Variants in TDRD5 observed in about 807,000 individuals in gnomAD.
TDRD5 encodes tudor domain-containing protein 5.
TDRD5 carries 41 observed loss-of-function variants against 120.6 expected under a neutral mutation model. That is an observed-to-expected ratio of 0.34 (90% CI 0.26 to 0.44). The LOEUF (loss-of-function observed/expected upper bound fraction) is 0.44, where lower values mean the gene tolerates loss of function less well. TDRD5 is among the 20% of genes least tolerant of loss of function. TDRD5 has a pLI of 1.00. For synonymous variants in TDRD5, 430 were observed against 433.7 expected (o/e 0.99, Z 0.11); for missense variants, 1,006 against 1,221.2 (o/e 0.82, Z 2.63).
intron 9 of TDRD5, 49 bp downstream of exon 9, chr1:179,635,936 A>G (rs1366672117): frequency 3.9e-6 from 6 of 1,555,990 alleles, no homozygotes; most frequent in South Asian, 2.4e-5. Flanking sequence ...TCTTAAATCA[A>G]CAGTTCTCAA....
chr1:179,635,975 T>C (rs1197407051), intron 9 of TDRD5, 88 bp downstream of exon 9: 6 of 1,230,358 alleles, frequency 4.9e-6, no homozygotes, highest in Non-Finnish European at 5.5e-6. Flanking sequence ...TCTTAAAAAT[T>C]AAAGACCCAA....
At chr1:179,640,097 C>A (rs776351414) in intron 10 of TDRD5, 46 bp downstream of exon 10, 1 of 1,593,366 alleles carries the variant, frequency 6.3e-7, no homozygotes, top group East Asian at 2.2e-5. Context: ...AATTTTGAAT[C>A]ACAGTGTTGA....
chr1:179,619,050 A>G (rs1168231954), intron 5 of TDRD5, among the ~76,000 whole-genome samples: 1 of 152,046 alleles, frequency 6.6e-6, no homozygotes, highest in East Asian at 1.9e-4. Flanking sequence ...TCATGTAGAG[A>G]TCCATGATTG....
intron 6 of TDRD5, among the ~76,000 whole-genome samples, chr1:179,627,910 A>G (rs1458708407): frequency 6.6e-6 from 1 of 152,198 alleles, no homozygotes; most frequent in African/African-American, 2.4e-5. Flanking sequence ...GAGTGTTCCA[A>G]CTAAATAATG....
Position 179,687,615 on chromosome 1 carries a change from A to G in TDRD5, c.2861-3081A>G, listed in dbSNP as rs935786044. ...GATATCCTTGTTAACTTTCTGTCTC[A>G]TTGATCTGTCTAATGTTGACAGTGG... On this transcript the variant is annotated intron_variant, in intron 17 of 17. Transcript: ENST00000444136. Among the ~76,000 whole-genome samples, 8 of 151,704 alleles carry G rather than the reference A, an allele frequency of 5.3e-5. No homozygotes were observed. In the East Asian group the frequency reaches 5.8e-4, roughly 11 times the overall value.
intron 4 of TDRD5, among the ~76,000 whole-genome samples, chr1:179,617,338 G>A (rs1172808799): frequency 6.6e-6 from 1 of 152,160 alleles, no homozygotes; most frequent in Non-Finnish European, 1.5e-5. Context: ...CAGAGGAGCA[G>A]GCAAGGGTCA....
Position 179,593,717 on chromosome 1 carries a change from T to C in TDRD5, c.490T>C (p.Ser164Pro), listed in dbSNP as rs748878784. ...EKAFAKRFGR[S>P]FQYMQYGFLS... ...GGCATTTGCCAAAAGATTTGGACGA[T>C]CATTCCAATACATGCAATATGGATT... Residue 164 changes from serine (S) to proline (P), a missense_variant, in exon 3 of 18, where the codon TCA becomes CCA. Physicochemically the swap from Ser to Pro is moderately conservative, Grantham distance 74. Around this residue, in one of 3 missense-constraint regions of TDRD5, gnomAD observed 445 missense variants for 515.5 expected, o/e 0.86. Coordinates refer to ENST00000444136, the MANE Select transcript of TDRD5 (RefSeq NM_001199085.3). 6.2e-7 allele frequency: 1 copy of C among 1,614,260 alleles called. No individual in the cohort carries two copies.
intron 4 of TDRD5, among the ~76,000 whole-genome samples, chr1:179,605,653 A>G (rs1186168973): frequency 1.3e-5 from 2 of 152,058 alleles, no homozygotes; most frequent in African/African-American, 4.8e-5. Flanking sequence ...CATGGTAACC[A>G]CTGATCTTTT....
At chr1:179,644,713 A>C (rs554064806) in intron 11 of TDRD5, among the ~76,000 whole-genome samples, 19 of 152,096 alleles carry the variant, frequency 1.2e-4, no homozygotes, top group African/African-American at 4.1e-4. Context: ...TACATTCCAA[A>C]TATGTATTTG....
chr1:179,628,714 A>G (rs960748751), intron 6 of TDRD5, among the ~76,000 whole-genome samples: 12 of 152,210 alleles, frequency 7.9e-5, no homozygotes, highest in African/African-American at 2.7e-4. Context: ...TAACCTTTTA[A>G]AAGAAACTGA....
In TDRD5 at chr1:179,650,911, C is replaced by T. The variant is rs762786138; in HGVS notation, c.1845C>T (p.Cys615=). The part of the protein sequence containing the change: ...SKAILQFQKL[C]GLKPLVGVVD... ...CTATTTTGCAGTTCCAGAAGTTGTG[C>T]GGTTTGAAGCCATTAGTGGGGGTAG... The change falls in exon 12 of 18, where the codon TGC becomes TGT. Residue 615 remains cysteine (C), a synonymous_variant. Coordinates refer to ENST00000444136, the MANE Select transcript of TDRD5 (RefSeq NM_001199085.3). 85 of 1,614,024 alleles carry T rather than the reference C, an allele frequency of 5.3e-5. No homozygotes were observed. The highest frequency in any genetic ancestry group is 3.3e-4 in the Middle Eastern group (2 of 6,058).
intron 10 of TDRD5, 87 bp downstream of exon 10, chr1:179,640,138 C>CTT: frequency 2.1e-6 from 3 of 1,400,626 alleles, no homozygotes; most frequent in Non-Finnish European, 3.0e-6. Context: ...TCTCTTTTCT[C>CTT]TTGCCTTCCT....
chr1:179,638,157 A>AGG (rs1261691572), intron 9 of TDRD5, among the ~76,000 whole-genome samples: 4 of 131,622 alleles, frequency 3.0e-5, no homozygotes, highest in Non-Finnish European at 5.1e-5. Context: ...CCATGGGAAG[A>AGG]TGTTTTCTCT....
chr1:179,637,641 G>C (rs1572381105), intron 9 of TDRD5, among the ~76,000 whole-genome samples: 1 of 151,506 alleles, frequency 6.6e-6, no homozygotes, highest in Non-Finnish European at 1.5e-5. Flanking sequence ...CAGCTCCCGA[G>C]GAGGTTGAAG....
intron 11 of TDRD5, among the ~76,000 whole-genome samples, chr1:179,644,981 T>C (rs913931829): frequency 1.5e-5 from 2 of 136,538 alleles, no homozygotes; most frequent in Non-Finnish European, 1.6e-5. Flanking sequence ...AGTAGTTTTA[T>C]TATTGTTCAG....
chr1:179,637,027 C>G (rs1282219309), intron 9 of TDRD5, among the ~76,000 whole-genome samples: 2 of 152,146 alleles, frequency 1.3e-5, no homozygotes, highest in African/African-American at 4.8e-5. Flanking sequence ...AAAAATTGTC[C>G]TTTGTTAGCA....
At chr1:179,599,218 TTA>T (rs1675565479) in intron 4 of TDRD5, among the ~76,000 whole-genome samples, 1 of 152,156 alleles carries the variant, frequency 6.6e-6, no homozygotes, top group African/African-American at 2.4e-5. Context: ...AGTATCCTTT[TTA>T]TATGTTGCTA....
At chr1:179,608,618 A>G (rs968911759) in intron 4 of TDRD5, among the ~76,000 whole-genome samples, 3 of 152,038 alleles carry the variant, frequency 2.0e-5, no homozygotes, top group Admixed American at 1.3e-4. Flanking sequence ...TCTTTTTAAT[A>G]TACTCATTTC....
At chr1:179,674,305 A>G (rs895418276) in intron 17 of TDRD5, among the ~76,000 whole-genome samples, 15 of 152,176 alleles carry the variant, frequency 9.9e-5, no homozygotes, top group Non-Finnish European at 2.2e-4. Context: ...GAGGTGATCA[A>G]GTGATTTTTG....
Sources: gnomAD v4.1 joint callset for allele counts (sites outside exome capture counted in the v4.1 genomes callset) on GRCh38, gnomAD v4.1.1 for gene constraint, gnomAD v4.1.1 regional missense constraint, MANE v1.5 for transcripts, NCBI Gene and HGNC (gene_info 2026-07-23, HGNC 2026-07-21) for gene names.